Variants in ARHGEF28 observed in about 807,000 individuals in gnomAD.
ARHGEF28 encodes the protein Rho guanine nucleotide exchange factor 28, also known as 190 kDa guanine nucleotide exchange factor.
A neutral mutation model predicts 206.6 loss-of-function variants in ARHGEF28; 152 were observed. The observed-to-expected ratio is 0.74, with a 90% CI of 0.64 to 0.84. ARHGEF28 has a LOEUF of 0.84. Among genes scored for constraint, ARHGEF28 ranks in the 40% least tolerant of loss-of-function variants. The probability of loss-of-function intolerance (pLI) is 0.00; values close to 1 mark genes in which losing one functional copy is unlikely to be tolerated. For synonymous variants in ARHGEF28, 763 were observed against 776.4 expected (o/e 0.98, Z 0.29); for missense variants, 2,028 against 2,073.2 (o/e 0.98, Z 0.42).
intron 2 of ARHGEF28, among the ~76,000 whole-genome samples, 155 bp downstream of exon 2, chr5:73,685,039 G>A (rs1183664787): frequency 6.6e-6 from 1 of 152,128 alleles, no homozygotes; most frequent in Non-Finnish European, 1.5e-5. Context: ...GTATTTGCAT[G>A]GAGCGTTTTA....
chr5:73,916,691 A>G (rs1763231972), intron 35 of ARHGEF28, among the ~76,000 whole-genome samples: 1 of 152,100 alleles, frequency 6.6e-6, no homozygotes, highest in Non-Finnish European at 1.5e-5. Flanking sequence ...GGGGGTTAGG[A>G]CCTTAACATG....
Position 73,776,548 on chromosome 5 carries a change from G to T in ARHGEF28, c.692G>T (p.Arg231Leu). The stretch of plus-strand genomic sequence containing the variant: ...GGCAGATGGTCCCCAAGCTTCTCCC[G>T]AGTGCAGCTCAGTGAAGAAGCCTCC... ...FQGRWSPSFS[R>L]VQLSEEASLH... Residue 231 changes from arginine (R) to leucine (L), a missense_variant, in exon 6 of 36, where the codon CGA becomes CTA. Arg to Leu is a moderately radical substitution (Grantham distance 102). Transcript: ENST00000513042. 1 of 1,612,546 alleles carries T rather than the reference G, an allele frequency of 6.2e-7. No homozygotes were observed. Among genetic ancestry groups the T allele is most frequent in the South Asian group, 1.1e-5 (1 of 90,838 alleles).
At chr5:73,688,356 C>A (rs765446371) in intron 2 of ARHGEF28, among the ~76,000 whole-genome samples, 1 of 152,050 alleles carries the variant, frequency 6.6e-6, no homozygotes, top group Admixed American at 6.5e-5. Flanking sequence ...TTGCTTATAA[C>A]CTGTTTTGAT....
chr5:73,643,602 C>G (rs1744252244), intron 1 of ARHGEF28, among the ~76,000 whole-genome samples: 1 of 152,004 alleles, frequency 6.6e-6, no homozygotes, highest in African/African-American at 2.4e-5. Context: ...ATCGCTTGAA[C>G]ACAGGAGTTC....
chr5:73,705,190 G>A (rs770916217), intron 2 of ARHGEF28, among the ~76,000 whole-genome samples: 14 of 152,168 alleles, frequency 9.2e-5, no homozygotes, highest in Non-Finnish European at 1.6e-4. Flanking sequence ...AGAAGTGGAG[G>A]TGCTTTTGTC....
intron 3 of ARHGEF28, among the ~76,000 whole-genome samples, chr5:73,751,226 G>A (rs1410353594): frequency 2.0e-5 from 3 of 152,136 alleles, no homozygotes; most frequent in Non-Finnish European, 4.4e-5. Context: ...CCTGGCCAAC[G>A]TGGGGAAACC....
At position 73,752,979 on chromosome 5, in the gene ARHGEF28, G is replaced by A. The variant is rs1752099180; in HGVS notation, c.252G>A (p.Met84Ile). 5 of 1,613,660 alleles carry A rather than the reference G, an allele frequency of 3.1e-6. No individual in the cohort carries two copies. In the South Asian group the frequency reaches 5.5e-5, roughly 18 times the overall value. Residue 84 changes from methionine (M) to isoleucine (I), a missense_variant, in exon 4 of 36, where the codon ATG becomes ATA. Physicochemically the swap from Met to Ile is conservative, Grantham distance 10 (BLOSUM62 1). This residue lies in a region of ARHGEF28 where 1,002 missense variants were observed against 1,015.3 expected (regional missense o/e 0.99). Coordinates refer to ENST00000513042, the MANE Select transcript of ARHGEF28 (RefSeq NM_001177693.2). ...LCSEGYSPVT[M>I]GSGSVTYVDN... The stretch of plus-strand genomic sequence containing the variant: ...CGGAAGGTTACTCTCCGGTGACCAT[G>A]GGCTCTGGCTCAGTGACCTACGTGG...
chr5:73,888,680 GT>G (rs993427626), intron 26 of ARHGEF28, among the ~76,000 whole-genome samples: 1 of 152,152 alleles, frequency 6.6e-6, no homozygotes, highest in African/African-American at 2.4e-5. Flanking sequence ...CAACTACCTT[GT>G]TTTTTAGGAC....
chr5:73,765,299 A>G (rs1179556672), intron 4 of ARHGEF28, among the ~76,000 whole-genome samples: 1 of 152,220 alleles, frequency 6.6e-6, no homozygotes, highest in Non-Finnish European at 1.5e-5. Context: ...GATGGTGTGA[A>G]AGCAATATAC....
intron 1 of ARHGEF28, among the ~76,000 whole-genome samples, chr5:73,645,781 T>C (rs1744388420): frequency 6.6e-6 from 1 of 152,168 alleles, no homozygotes; most frequent in Non-Finnish European, 1.5e-5. Context: ...TTCCCACTTT[T>C]TTTTTTCTGA....
intron 9 of ARHGEF28, among the ~76,000 whole-genome samples, chr5:73,808,258 G>A (rs767927169): frequency 1.3e-5 from 2 of 152,062 alleles, no homozygotes; most frequent in Non-Finnish European, 2.9e-5. Context: ...CTGGGGGTTG[G>A]GGGAGGTAGG....
intron 2 of ARHGEF28, among the ~76,000 whole-genome samples, chr5:73,715,778 A>G (rs1185770343): frequency 1.3e-5 from 2 of 152,196 alleles, no homozygotes; most frequent in Non-Finnish European, 2.9e-5. Context: ...TGCATATTTA[A>G]CCATTCATGG....
chr5:73,822,168 C>CG (rs1554067175), intron 9 of ARHGEF28, among the ~76,000 whole-genome samples: 17 of 152,086 alleles, frequency 1.1e-4, no homozygotes, highest in African/African-American at 4.1e-4. Flanking sequence ...TGTGCTTTTC[C>CG]GGGGGGAAGG....
intron 21 of ARHGEF28, among the ~76,000 whole-genome samples, chr5:73,870,734 T>C (rs980072552): frequency 5.9e-5 from 9 of 152,284 alleles, no homozygotes; most frequent in African/African-American, 2.2e-4. Context: ...AGTACAGAAT[T>C]CAGCTGTGGT....
chr5:73,896,065 T>C (rs544613260), intron 29 of ARHGEF28, among the ~76,000 whole-genome samples: 1 of 152,260 alleles, frequency 6.6e-6, no homozygotes, highest in Admixed American at 6.5e-5. Flanking sequence ...TGTAAAACTT[T>C]TAGTGAGGAA....
At chr5:73,626,637 C>T (rs1743031391) in intron 1 of ARHGEF28, among the ~76,000 whole-genome samples, 1 of 152,120 alleles carries the variant, frequency 6.6e-6, no homozygotes, top group Admixed American at 6.5e-5. Flanking sequence ...CAGTGTCCTT[C>T]GGGAGACAGG....
intron 2 of ARHGEF28, among the ~76,000 whole-genome samples, chr5:73,688,480 A>G (rs1747605906): frequency 6.6e-6 from 1 of 152,074 alleles, no homozygotes; most frequent in Non-Finnish European, 1.5e-5. Flanking sequence ...AGAAAAATCT[A>G]TGGATGTAAA....
intron 9 of ARHGEF28, among the ~76,000 whole-genome samples, chr5:73,828,329 G>A (rs1352043082): frequency 6.6e-6 from 1 of 152,182 alleles, no homozygotes. Flanking sequence ...AGATCCTATT[G>A]TCTTGAGGCA....
At chr5:73,679,012 C>T (rs1746892542) in intron 1 of ARHGEF28, among the ~76,000 whole-genome samples, 1 of 152,222 alleles carries the variant, frequency 6.6e-6, no homozygotes, top group East Asian at 1.9e-4. Flanking sequence ...CCTCAGCCTC[C>T]TGAGTAGCTA....
Sources: gnomAD v4.1 joint callset for allele counts (sites outside exome capture counted in the v4.1 genomes callset) on GRCh38, gnomAD v4.1.1 for gene constraint, gnomAD v4.1.1 regional missense constraint, MANE v1.5 for transcripts, NCBI Gene and HGNC (gene_info 2026-07-23, HGNC 2026-07-21) for gene names.